DAAM1: variants seen among roughly 807,000 people sequenced by gnomAD.
The protein encoded by DAAM1 is disheveled-associated activator of morphogenesis 1.
DAAM1 carries 52 observed loss-of-function variants against 130.0 expected under a neutral mutation model. The ratio of observed to expected loss-of-function variants is 0.40; its 90% confidence interval spans 0.32 to 0.50. DAAM1 has a LOEUF of 0.50. Ranked by LOEUF, DAAM1 falls within the 20% of genes least tolerant of loss-of-function variation. DAAM1 has a pLI of 0.61. For missense variants in DAAM1, 1,134 were observed against 1,303.8 expected (o/e 0.87, Z 2.01); for synonymous variants, 452 against 444.5 (o/e 1.02, Z -0.21).
intron 1 of DAAM1, among the ~76,000 whole-genome samples, chr14:59,231,307 T>C (rs945568541): frequency 7.2e-5 from 11 of 152,140 alleles, no homozygotes; most frequent in African/African-American, 2.7e-4. Context: ...TTGATACAGA[T>C]GTAAGCACAA....
rs1594751667 is a variant in DAAM1 at position 59,197,110 on chromosome 14, C to T, written c.-38+8342C>T. Among the ~76,000 whole-genome samples, 3 of 152,062 alleles carry T rather than the reference C, an allele frequency of 2.0e-5. No individual in the cohort carries two copies. In the South Asian group the frequency reaches 6.2e-4, roughly 32 times the overall value. On this transcript the variant is annotated intron_variant, in intron 1 of 24. Transcript: ENST00000360909. ...TAGTTTTTTGTATTTTTAGTAGAGA[C>T]GGGGTTTCACCGTGTTAGCCTGGAT...
chr14:59,204,898 C>T (rs923368753), intron 1 of DAAM1, among the ~76,000 whole-genome samples: 5 of 152,152 alleles, frequency 3.3e-5, no homozygotes, highest in African/African-American at 1.2e-4. Flanking sequence ...AAATAAAAAT[C>T]ATCAGAATGA....
intron 3 of DAAM1, among the ~76,000 whole-genome samples, chr14:59,296,850 A>G (rs12897650): frequency 0.33 from 49,551 of 152,172 alleles, 9,495 homozygotes; most frequent in East Asian, 0.56. Flanking sequence ...ACCAAATCTA[A>G]TCTTTACTAA....
At position 59,257,410 on chromosome 14, in the gene DAAM1, A is replaced by C. The variant is rs557621123; in HGVS notation, c.-37-6031A>C. Among the ~76,000 whole-genome samples the C allele has an allele frequency of 8.6e-5, 13 of 151,886 alleles. No homozygotes were observed. In the South Asian group the frequency reaches 2.7e-3, roughly 32 times the overall value. On this transcript the variant is annotated intron_variant, in intron 1 of 24. Transcript: ENST00000360909. The stretch of plus-strand genomic sequence containing the variant: ...AAAAAGGCACTCAAATATGTATATC[A>C]TGCTAGAGGTGTAGAAAGAAATGTG...
chr14:59,228,998 C>T (rs1408715172), intron 1 of DAAM1, among the ~76,000 whole-genome samples: 1 of 152,106 alleles, frequency 6.6e-6, no homozygotes, highest in African/African-American at 2.4e-5. Context: ...GAGAAATAGT[C>T]TAACAAATTC....
At chr14:59,218,310 A>G (rs1032419253) in intron 1 of DAAM1, among the ~76,000 whole-genome samples, 2 of 152,184 alleles carry the variant, frequency 1.3e-5, no homozygotes, top group East Asian at 3.8e-4. Context: ...TCTGCCCCAG[A>G]GGGTCCAAGC....
Position 59,326,074 on chromosome 14 carries a change from C to T in DAAM1, c.1171C>T (p.Pro391Ser). ...CATCCTGCACCACTGCCTCCAAATGCCTTGTAAGTGTGTTCGTGACTCACA... is the reference window on the plus strand; with the variant it reads ...CATCCTGCACCACTGCCTCCAAATGTCTTGTAAGTGTGTTCGTGACTCACA... ...MSILHHCLQMPYKRSGNTVQY... is the reference protein window; with the variant it reads ...MSILHHCLQMSYKRSGNTVQY... The change falls in exon 10 of 25, where the codon CCT becomes TCT. Residue 391 changes from proline to serine, a missense_variant. By Grantham distance (74) the Pro-to-Ser change is moderately conservative. This residue lies in a region of DAAM1 where 391 missense variants were observed against 521.6 expected (regional missense o/e 0.75). Transcript: ENST00000360909. 6.2e-7 allele frequency: 1 copy of T among 1,613,624 alleles called. No homozygotes were observed. Among genetic ancestry groups the T allele is most frequent in the Non-Finnish European group, 8.5e-7 (1 of 1,179,562 alleles).
intron 24 of DAAM1, among the ~76,000 whole-genome samples, chr14:59,367,908 G>A (rs1886984157): frequency 6.6e-6 from 1 of 152,042 alleles, no homozygotes; most frequent in Non-Finnish European, 1.5e-5. Flanking sequence ...CCAAGCTAAA[G>A]ACAACCTAAA....
chr14:59,231,631 T>C (rs527508595), intron 1 of DAAM1, among the ~76,000 whole-genome samples: 2 of 152,310 alleles, frequency 1.3e-5, no homozygotes, highest in South Asian at 4.1e-4. Context: ...ACCTTGGCAG[T>C]ATACTTAATC....
chr14:59,263,327 A>G (rs1882267003), intron 1 of DAAM1, 114 bp from the exon 2 acceptor site: 2 of 824,282 alleles, frequency 2.4e-6, no homozygotes, highest in African/African-American at 1.7e-5. Flanking sequence ...TGTGCCCTGC[A>G]GGGCGCACAC....
intron 21 of DAAM1, 120 bp from the exon 22 acceptor site, chr14:59,360,682 G>A: frequency 1.4e-6 from 1 of 735,894 alleles, no homozygotes; most frequent in Non-Finnish European, 2.1e-6. Context: ...GCATGGAAGG[G>A]AATTTTAAAC....
intron 3 of DAAM1, among the ~76,000 whole-genome samples, chr14:59,312,577 T>C (rs1369247917): frequency 1.3e-5 from 2 of 152,084 alleles, no homozygotes; most frequent in Non-Finnish European, 2.9e-5. Context: ...AGAAGAAGAA[T>C]GAAGAAACAA....
At chr14:59,207,324 A>G (rs1888290104) in intron 1 of DAAM1, among the ~76,000 whole-genome samples, 1 of 152,210 alleles carries the variant, frequency 6.6e-6, no homozygotes, top group Admixed American at 6.5e-5. Context: ...GCATTACATT[A>G]CTGTGTGTTT....
Position 59,263,618 on chromosome 14 carries a change from GC to G in DAAM1, c.146del (p.Pro49LeufsTer74). On this transcript the variant is annotated frameshift_variant, in exon 2 of 25. Transcript: ENST00000360909. LOFTEE classifies it high-confidence loss of function. Reference protein sequence around the residue: ...LQTMEPALPMPPVEELDVMFS... With the variant: ...LQTMEPALPMXPVEELDVMFS... Reference sequence around the variant, plus strand: ...AGACCATGGAACCAGCATTGCCCATGCCCCCTGTGGAGGAGCTGGATGTCAT... The same window carrying G: ...AGACCATGGAACCAGCATTGCCCATGCCCCTGTGGAGGAGCTGGATGTCAT... The G allele has an allele frequency of 6.2e-7, 1 of 1,614,220 alleles. No homozygotes were observed. Among genetic ancestry groups the G allele is most frequent in the Non-Finnish European group, 8.5e-7 (1 of 1,180,034 alleles).
At chr14:59,352,991 CAA>C (rs34084858) in intron 18 of DAAM1, among the ~76,000 whole-genome samples, 127 of 129,452 alleles carry the variant, frequency 9.8e-4, no homozygotes, top group Admixed American at 8.7e-4. Flanking sequence ...GGTTGTAAAA[CAA>C]AAAAAAAAAA....
intron 2 of DAAM1, among the ~76,000 whole-genome samples, chr14:59,275,198 C>T (rs1009397864): frequency 6.6e-6 from 1 of 152,086 alleles, no homozygotes; most frequent in Non-Finnish European, 1.5e-5. Context: ...GGTGCTGTAT[C>T]CCCGGAGATG....
intron 1 of DAAM1, among the ~76,000 whole-genome samples, chr14:59,254,609 A>G (rs1459661213): frequency 1.3e-5 from 2 of 152,100 alleles, no homozygotes; most frequent in Non-Finnish European, 1.5e-5. Context: ...GTGAGCTGTG[A>G]TGTCTTCGGG....
In DAAM1 at chr14:59,261,317, T is replaced by A. The variant is rs1003828754; in HGVS notation, c.-37-2124T>A. On this transcript the variant is annotated intron_variant, in intron 1 of 24. Coordinates refer to ENST00000360909, the MANE Select transcript of DAAM1 (RefSeq NM_001270520.2). ...ATTATAACTATCTGGTGAACTACTG[T>A]CTCTCACTAGATTATGAGCTTCTAG... Among the ~76,000 whole-genome samples, 11 of 152,220 alleles carry A rather than the reference T, an allele frequency of 7.2e-5. 1 individual carries two copies. Among genetic ancestry groups the A allele is most frequent in the Admixed American group, 7.2e-4 (11 of 15,284 alleles).
chr14:59,209,053 G>C (rs1307928817), intron 1 of DAAM1, among the ~76,000 whole-genome samples: 3 of 152,192 alleles, frequency 2.0e-5, no homozygotes, highest in South Asian at 2.1e-4. Flanking sequence ...TCCAGCCTCA[G>C]ATATTTCTTT....
Sources: gnomAD v4.1 joint callset for allele counts (sites outside exome capture counted in the v4.1 genomes callset) on GRCh38, gnomAD v4.1.1 for gene constraint, gnomAD v4.1.1 regional missense constraint, MANE v1.5 for transcripts, NCBI Gene and HGNC (gene_info 2026-07-23, HGNC 2026-07-21) for gene names.